Variants in GALNT17 observed in about 807,000 individuals in gnomAD.
The protein encoded by GALNT17 is UDP-GalNAc:polypeptide N-acetylgalactosaminyltransferase-like 3.
Under a neutral mutation model 63.7 loss-of-function variants are expected in GALNT17, and 29 were observed. The observed-to-expected ratio is 0.46, with a 90% CI of 0.34 to 0.62. GALNT17 has a LOEUF of 0.62. Among genes scored for constraint, GALNT17 ranks in the 20% least tolerant of loss-of-function variants. The pLI is 0.01. For missense variants in GALNT17, 603 were observed against 799.6 expected, an observed-to-expected ratio of 0.75 and a Z score of 2.97; for synonymous variants, 305 against 318.3, an observed-to-expected ratio of 0.96 and a Z score of 0.45.
intron 5 of GALNT17, among the ~76,000 whole-genome samples, chr7:71,486,862 A>G (rs77663585): frequency 7.1e-6 from 1 of 141,718 alleles, no homozygotes; most frequent in Non-Finnish European, 1.5e-5. Flanking sequence ...GACCCTGTCC[A>G]AAAAAAAAAA....
intron 2 of GALNT17, among the ~76,000 whole-genome samples, chr7:71,385,233 G>A (rs114644968): frequency 4.0e-4 from 61 of 152,088 alleles, no homozygotes; most frequent in African/African-American, 1.4e-3. Flanking sequence ...AAAGGGGAGC[G>A]CTCGCCTTAG....
intron 3 of GALNT17, among the ~76,000 whole-genome samples, chr7:71,402,831 T>C (rs1449296667): frequency 6.6e-6 from 1 of 152,212 alleles, no homozygotes; most frequent in Non-Finnish European, 1.5e-5. Context: ...GATAACATTC[T>C]TCCTGTGTCG....
intron 7 of GALNT17, among the ~76,000 whole-genome samples, chr7:71,666,528 A>C: frequency 6.6e-6 from 1 of 151,694 alleles, no homozygotes; most frequent in East Asian, 1.9e-4. Context: ...ACTGCACCAT[A>C]TTTGTTGTCT....
Position 71,325,275 on chromosome 7 carries a change from C to T in GALNT17, c.239-10275C>T, listed in dbSNP as rs553748900. 5.4e-4 allele frequency among the ~76,000 whole-genome samples: 82 copies of T among 152,270 alleles called. 1 individual carries two copies. In the Middle Eastern group the frequency reaches 0.017, roughly 32 times the overall value. ...CATAAGGTAGGATCTCCCTGAGACG[C>T]GGACCGGCAGGAGGGCTCTGGCCTC... On this transcript the variant is annotated intron_variant, in intron 1 of 10. Transcript: ENST00000333538.
chr7:71,151,519 G>C (rs968490731), intron 1 of GALNT17, among the ~76,000 whole-genome samples: 1 of 151,874 alleles, frequency 6.6e-6, no homozygotes, highest in Non-Finnish European at 1.5e-5. Context: ...TACTCGGGAG[G>C]CTGAGGCAGG....
At chr7:71,408,283 C>T (rs1399774429) in intron 3 of GALNT17, among the ~76,000 whole-genome samples, 1 of 152,102 alleles carries the variant, frequency 6.6e-6, no homozygotes, top group African/African-American at 2.4e-5. Context: ...TGGAACGTGC[C>T]ATATGTGCTA....
At chr7:71,607,825 A>C (rs1464119141) in intron 6 of GALNT17, among the ~76,000 whole-genome samples, 1 of 152,214 alleles carries the variant, frequency 6.6e-6, no homozygotes. Context: ...GAGTAAACCA[A>C]ATGTGAACCA....
intron 8 of GALNT17, among the ~76,000 whole-genome samples, chr7:71,673,952 T>A (rs1047551841): frequency 6.6e-6 from 1 of 152,218 alleles, no homozygotes; most frequent in African/African-American, 2.4e-5. Flanking sequence ...GCTCCAAGTC[T>A]GTGCACTGCA....
chr7:71,456,085 A>G (rs947686022), intron 5 of GALNT17, among the ~76,000 whole-genome samples: 2 of 152,012 alleles, frequency 1.3e-5, no homozygotes, highest in African/African-American at 4.8e-5. Context: ...ATCTTTACTT[A>G]AAATACAAAA....
intron 1 of GALNT17, among the ~76,000 whole-genome samples, chr7:71,272,498 G>A (rs1790611423): frequency 6.6e-6 from 1 of 152,138 alleles, no homozygotes; most frequent in Admixed American, 6.5e-5. Flanking sequence ...ACTTGGTATT[G>A]TCAGGTATTT....
chr7:71,634,930 C>A (rs749585939), intron 6 of GALNT17, among the ~76,000 whole-genome samples: 1 of 151,794 alleles, frequency 6.6e-6, no homozygotes, highest in Non-Finnish European at 1.5e-5. Context: ...GAATGCCAGC[C>A]GGGCATGGTG....
At position 71,666,806 on chromosome 7, in the gene GALNT17, A is replaced by T. The variant is rs549743571; in HGVS notation, c.1266+1210A>T. Among the ~76,000 whole-genome samples the T allele has an allele frequency of 1.6e-3, 241 of 152,104 alleles. 1 individual carries two copies. The highest frequency in any genetic ancestry group is 5.4e-3 in the African/African-American group (222 of 41,492). ...TAAATAATTCTTATGCTTTATTTGT[A>T]TTTTTTATTGTTGTATTGTTCTTAC... On this transcript the variant is annotated intron_variant, in intron 7 of 10. Coordinates refer to ENST00000333538, the MANE Select transcript of GALNT17 (RefSeq NM_022479.3).
At chr7:71,278,640 GA>G (rs1333948654) in intron 1 of GALNT17, among the ~76,000 whole-genome samples, 1 of 152,172 alleles carries the variant, frequency 6.6e-6, no homozygotes, top group Admixed American at 6.5e-5. Flanking sequence ...TACAATCATG[GA>G]GGAAGGGGAA....
At chr7:71,314,377 A>G (rs1791464522) in intron 1 of GALNT17, among the ~76,000 whole-genome samples, 1 of 152,170 alleles carries the variant, frequency 6.6e-6, no homozygotes, top group Admixed American at 6.5e-5. Flanking sequence ...CCAAAAAAGT[A>G]GAATGAACTT....
At chr7:71,244,708 C>T (rs1308886038) in intron 1 of GALNT17, among the ~76,000 whole-genome samples, 2 of 152,102 alleles carry the variant, frequency 1.3e-5, no homozygotes, top group Non-Finnish European at 2.9e-5. Flanking sequence ...CTCATGCTTG[C>T]AACACTGAGG....
intron 1 of GALNT17, among the ~76,000 whole-genome samples, chr7:71,283,068 G>A (rs1221590528): frequency 6.6e-6 from 1 of 152,034 alleles, no homozygotes; most frequent in Non-Finnish European, 1.5e-5. Flanking sequence ...GTCTTGCTCT[G>A]TTACCCATGC....
At chr7:71,513,547 G>C (rs1242948299) in intron 5 of GALNT17, among the ~76,000 whole-genome samples, 1 of 151,826 alleles carries the variant, frequency 6.6e-6, no homozygotes, top group East Asian at 1.9e-4. Flanking sequence ...CACCATGCCT[G>C]GCTAAGTTTT....
At chr7:71,148,475 G>A (rs1788065339) in intron 1 of GALNT17, among the ~76,000 whole-genome samples, 1 of 152,186 alleles carries the variant, frequency 6.6e-6, no homozygotes, top group Non-Finnish European at 1.5e-5. Context: ...GAGAATAGTT[G>A]CTTTCCAGAG....
intron 1 of GALNT17, among the ~76,000 whole-genome samples, chr7:71,219,420 CTG>C (rs34134332): frequency 0.33 from 50,235 of 151,962 alleles, 9,268 homozygotes; most frequent in South Asian, 0.53. Context: ...TCTGCCATCT[CTG>C]TTATCTCTTT....
Sources: allele counts gnomAD v4.1 joint callset (sites outside exome capture counted in the v4.1 genomes callset), GRCh38; gene constraint gnomAD v4.1.1; transcripts MANE v1.5; gene names NCBI Gene and HGNC (gene_info 2026-07-23, HGNC 2026-07-21).